The following MACROD2 variants were observed in gnomAD, a reference collection of about 807,000 sequenced individuals.
The protein encoded by MACROD2 is ADP-ribose glycohydrolase MACROD2.
Under a neutral mutation model 70.4 loss-of-function variants are expected in MACROD2, and 36 were observed. The ratio of observed to expected loss-of-function variants is 0.51; its 90% CI spans 0.39 to 0.68. The LOEUF is 0.68. Among genes scored for constraint, MACROD2 ranks in the 30% least tolerant of loss-of-function variants. The pLI, the probability that MACROD2 is intolerant of heterozygous loss-of-function variation, is 0.00. For missense variants in MACROD2, 496 were observed against 538.4 expected (o/e 0.92, Z 0.78); for synonymous variants, 172 against 178.8 (o/e 0.96, Z 0.30).
rs569402466 is a variant in MACROD2 at position 15,357,927 on chromosome 20, C to T, written c.541-73478C>T. Among the ~76,000 whole-genome samples, 414 of 152,090 alleles carry T rather than the reference C, an allele frequency of 2.7e-3. 2 individuals are homozygous for T. Among genetic ancestry groups the T allele is most frequent in the Non-Finnish European group, 4.2e-3 (286 of 67,974 alleles). On this transcript the variant is annotated intron_variant, in intron 6 of 17. Transcript: ENST00000684519. Reference sequence around the variant, plus strand: ...GTTCATGCCATTCTCCTGCCTCAGCCTCCCGATTAGCTGGGACTACAGGAA... The same window carrying T: ...GTTCATGCCATTCTCCTGCCTCAGCTTCCCGATTAGCTGGGACTACAGGAA...
At chr20:14,951,434 C>T (rs1167219582) in intron 5 of MACROD2, among the ~76,000 whole-genome samples, 1 of 152,108 alleles carries the variant, frequency 6.6e-6, no homozygotes, top group Non-Finnish European at 1.5e-5. Context: ...CTTCTCAGAG[C>T]ACTCTATTGA....
At chr20:15,765,042 G>C (rs2051500174) in intron 8 of MACROD2, among the ~76,000 whole-genome samples, 1 of 151,962 alleles carries the variant, frequency 6.6e-6, no homozygotes, top group African/African-American at 2.4e-5. Flanking sequence ...TTGCTGCCTT[G>C]CTCTCTCACT....
At chr20:14,671,878 C>G (rs146598240) in intron 4 of MACROD2, among the ~76,000 whole-genome samples, 1,792 of 152,308 alleles carry the variant, frequency 0.012, 18 homozygotes, top group Middle Eastern at 0.031. Context: ...AACACTGATG[C>G]TATTCAGTAC....
chr20:15,323,071 A>G (rs970408456), intron 6 of MACROD2, among the ~76,000 whole-genome samples: 1 of 151,242 alleles, frequency 6.6e-6, no homozygotes, highest in African/African-American at 2.4e-5. Flanking sequence ...ATAATGCTGT[A>G]TGTTGATGTT....
chr20:15,599,271 A>G (rs943302622), intron 8 of MACROD2, among the ~76,000 whole-genome samples: 1 of 151,870 alleles, frequency 6.6e-6, no homozygotes, highest in African/African-American at 2.4e-5. Flanking sequence ...GCACGCCTGT[A>G]GTCCCAGCTA....
intron 8 of MACROD2, among the ~76,000 whole-genome samples, chr20:15,580,128 T>C (rs2048503664): frequency 6.6e-6 from 1 of 152,198 alleles, no homozygotes; most frequent in Non-Finnish European, 1.5e-5. Context: ...ATGTAAATGG[T>C]TTGGAAGGCT....
intron 5 of MACROD2, among the ~76,000 whole-genome samples, chr20:15,111,908 C>A (rs749989889): frequency 1.8e-4 from 28 of 152,194 alleles, no homozygotes; most frequent in South Asian, 2.1e-4. Flanking sequence ...TCAGCCCCTG[C>A]CTAATGCAAG....
In MACROD2 at chr20:15,730,609, C is replaced by G. The variant is rs75012531; in HGVS notation, c.646-132136C>G. Among the ~76,000 whole-genome samples, 261 of 152,082 alleles carry G rather than the reference C, an allele frequency of 1.7e-3. 7 individuals carry two copies. In the East Asian group the frequency reaches 0.035, roughly 20 times the overall value. On this transcript the variant is annotated intron_variant, in intron 8 of 17. Transcript: ENST00000684519. ...GTGACCTGCCCCTTCTCTCTAGCTG[C>G]CTTTAACTGTTTTTCTTTTATTCCA... is the stretch of plus-strand genomic sequence containing the variant.
chr20:15,263,936 A>G (rs1315672834), intron 6 of MACROD2, among the ~76,000 whole-genome samples: 1 of 152,030 alleles, frequency 6.6e-6, no homozygotes, highest in Non-Finnish European at 1.5e-5. Context: ...TTTTTGGTGG[A>G]ATCTTTAGTT....
intron 8 of MACROD2, among the ~76,000 whole-genome samples, chr20:15,553,726 G>T (rs969269243): frequency 6.6e-6 from 1 of 152,136 alleles, no homozygotes; most frequent in Non-Finnish European, 1.5e-5. Flanking sequence ...GGACGTGCCC[G>T]GCCACCTTGG....
At chr20:14,623,772 GC>G (rs1983970435) in intron 4 of MACROD2, among the ~76,000 whole-genome samples, 1 of 152,154 alleles carries the variant, frequency 6.6e-6, no homozygotes, top group South Asian at 2.1e-4. Flanking sequence ...CTCTCTGATA[GC>G]AAAGAAAATG....
intron 2 of MACROD2, among the ~76,000 whole-genome samples, chr20:14,075,037 G>T (rs2053899773): frequency 6.6e-6 from 1 of 152,070 alleles, no homozygotes; most frequent in Admixed American, 6.6e-5. Flanking sequence ...TGCACTGCCG[G>T]TGTTCAAGTC....
Position 15,882,825 on chromosome 20 carries a change from A to G in MACROD2, c.728-2939A>G, listed in dbSNP as rs117530782. 3.8e-3 allele frequency among the ~76,000 whole-genome samples: 574 copies of G among 152,136 alleles called. 5 individuals carry two copies. The highest frequency in any genetic ancestry group is 0.011 in the South Asian group (52 of 4,820). ...AACCCCAAGCCTGATCCTTCCACACATGGGAGTCATTCTGGGGATGACGTT... is the reference window on the plus strand; with the variant it reads ...AACCCCAAGCCTGATCCTTCCACACGTGGGAGTCATTCTGGGGATGACGTT... On this transcript the variant is annotated intron_variant, in intron 9 of 17. Coordinates refer to ENST00000684519, the MANE Select transcript of MACROD2 (RefSeq NM_001351661.2).
intron 5 of MACROD2, among the ~76,000 whole-genome samples, chr20:15,006,801 G>C (rs939534070): frequency 2.0e-5 from 3 of 152,142 alleles, no homozygotes; most frequent in East Asian, 1.9e-4. Flanking sequence ...CACTGCTCTC[G>C]GGCTGGCTGC....
At chr20:15,633,253 A>G (rs2049317809) in intron 8 of MACROD2, among the ~76,000 whole-genome samples, 1 of 152,218 alleles carries the variant, frequency 6.6e-6, no homozygotes, top group African/African-American at 2.4e-5. Flanking sequence ...ATTTAAAAGG[A>G]AAAAATAATG....
intron 6 of MACROD2, 73 bp from the exon 7 acceptor site, chr20:15,431,332 G>T (rs1411959475): frequency 7.3e-7 from 1 of 1,367,868 alleles, no homozygotes; most frequent in Non-Finnish European, 1.0e-6. Context: ...AAACAAAATA[G>T]ATGTTGAGAA....
intron 7 of MACROD2, among the ~76,000 whole-genome samples, chr20:15,473,257 A>G (rs562991315): frequency 6.6e-6 from 1 of 152,354 alleles, no homozygotes; most frequent in South Asian, 2.1e-4. Flanking sequence ...CAGAACCACC[A>G]TTCAATAGAT....
At chr20:15,124,524 T>A (rs2076053242) in intron 5 of MACROD2, among the ~76,000 whole-genome samples, 1 of 151,986 alleles carries the variant, frequency 6.6e-6, no homozygotes, top group South Asian at 2.1e-4. Context: ...GCTGTGTGTT[T>A]TATCAAATTA....
At chr20:14,055,166 T>C (rs767284057) in intron 2 of MACROD2, among the ~76,000 whole-genome samples, 1 of 152,186 alleles carries the variant, frequency 6.6e-6, no homozygotes, top group Non-Finnish European at 1.5e-5. Flanking sequence ...ACATTTCAGG[T>C]TAAGAAAGAA....
Sources: allele counts gnomAD v4.1 joint callset (sites outside exome capture counted in the v4.1 genomes callset), GRCh38; gene constraint gnomAD v4.1.1; transcripts MANE v1.5; gene names NCBI Gene and HGNC (gene_info 2026-07-23, HGNC 2026-07-21).